ARHGAP15: variants seen among roughly 807,000 people sequenced by gnomAD.
ARHGAP15 encodes the protein Rho GTPase activating protein 15, also known as rho GTPase-activating protein 15.
A neutral mutation model predicts 63.7 loss-of-function variants in ARHGAP15; 51 were observed. The observed-to-expected ratio is 0.80, with a 90% CI of 0.64 to 1.01. The LOEUF is 1.01. Among genes scored for constraint, ARHGAP15 ranks in the 50% least tolerant of loss-of-function variants. The pLI is 0.00. For synonymous variants in ARHGAP15, 191 were observed against 193.8 expected (o/e 0.99, Z 0.12); for missense variants, 560 against 564.6 (o/e 0.99, Z 0.08).
chr2:143,511,125 T>A (rs576854830), intron 9 of ARHGAP15, among the ~76,000 whole-genome samples: 1 of 152,340 alleles, frequency 6.6e-6, no homozygotes, highest in South Asian at 2.1e-4. Context: ...AACCTGGTTA[T>A]GCTGATGAAC....
intron 5 of ARHGAP15, among the ~76,000 whole-genome samples, chr2:143,238,929 A>G (rs1245724438): frequency 6.6e-6 from 1 of 152,160 alleles, no homozygotes; most frequent in East Asian, 1.9e-4. Context: ...ATCCTTAGCA[A>G]ACTAACACAG....
At chr2:143,645,620 TTTCA>T (rs1195647255) in intron 12 of ARHGAP15, among the ~76,000 whole-genome samples, 1 of 152,024 alleles carries the variant, frequency 6.6e-6, no homozygotes, top group Non-Finnish European at 1.5e-5. Context: ...GTCTTTTATT[TTTCA>T]TTATCAAATA....
At chr2:143,762,308 A>T (rs1360563226) in intron 13 of ARHGAP15, among the ~76,000 whole-genome samples, 1 of 152,130 alleles carries the variant, frequency 6.6e-6, no homozygotes, top group African/African-American at 2.4e-5. Flanking sequence ...TACCTTTCTC[A>T]TTCAGATTAG....
chr2:143,277,642 C>T (rs1429662351), intron 6 of ARHGAP15, among the ~76,000 whole-genome samples: 1 of 151,946 alleles, frequency 6.6e-6, no homozygotes, highest in Non-Finnish European at 1.5e-5. Context: ...CTACATGGTG[C>T]AATGGGGTCA....
At chr2:143,377,971 T>C (rs1686890567) in intron 6 of ARHGAP15, among the ~76,000 whole-genome samples, 1 of 152,070 alleles carries the variant, frequency 6.6e-6, no homozygotes. Context: ...TAATAATTAA[T>C]TTAATACACT....
At position 143,605,858 on chromosome 2, in the gene ARHGAP15, C is replaced by CAAAAAAAAAA. The variant is rs373847590; in HGVS notation, c.1004-18256_1004-18247dup. On this transcript the variant is annotated intron_variant, in intron 11 of 13. Coordinates refer to ENST00000295095, the MANE Select transcript of ARHGAP15 (RefSeq NM_018460.4). ...GTGAAACCCTGTCTCTACTAAAATA[C>CAAAAAAAAAA]AAAAAAAAAAAAAAAAAAAAAAAAA... Among the ~76,000 whole-genome samples the CAAAAAAAAAA allele has an allele frequency of 1.2e-3, 104 of 85,302 alleles. 5 individuals carry two copies. Among genetic ancestry groups the CAAAAAAAAAA allele is most frequent in the East Asian group, 2.1e-3 (6 of 2,874 alleles). 56.0% of individuals were successfully genotyped at this position (85,302 alleles called of 152,430 possible). A position where few individuals can be genotyped will look rare whatever the true frequency, so the allele number is the denominator to read the frequency against.
chr2:143,165,986 GA>G lies in ARHGAP15; in HGVS notation c.165+10334del, dbSNP rs879901058. ...AGAAAGAAAGAAAGAAAGAAAGAAA[GA>G]AAGAAAGAAAGAAAGAAGGAAGGAA... On this transcript the variant is annotated intron_variant, in intron 2 of 13. Transcript: ENST00000295095. Among the ~76,000 whole-genome samples, 460 of 121,186 alleles carry G rather than the reference GA, an allele frequency of 3.8e-3. 10 individuals are homozygous for G. The highest frequency in any genetic ancestry group is 0.037 in the East Asian group (163 of 4,386). The allele number at this position is 121,186 out of a possible 152,430, so 79.5% of individuals were successfully genotyped here. A position where few individuals can be genotyped will look rare whatever the true frequency, so the allele number is the denominator to read the frequency against.
intron 6 of ARHGAP15, among the ~76,000 whole-genome samples, chr2:143,271,903 T>G (rs1052372170): frequency 1.3e-5 from 2 of 152,260 alleles, no homozygotes; most frequent in African/African-American, 2.4e-5. Flanking sequence ...GGAGATGGAT[T>G]TATTTCAAGA....
intron 5 of ARHGAP15, among the ~76,000 whole-genome samples, chr2:143,232,184 T>C (rs1228043634): frequency 2.0e-5 from 3 of 152,230 alleles, no homozygotes; most frequent in African/African-American, 7.2e-5. Context: ...GTTCTTGTTT[T>C]ATGAAAAGGA....
chr2:143,337,503 T>C (rs1292264223), intron 6 of ARHGAP15, among the ~76,000 whole-genome samples: 2 of 152,148 alleles, frequency 1.3e-5, no homozygotes, highest in African/African-American at 4.8e-5. Flanking sequence ...CTGCATTACA[T>C]TCAGGAAAGA....
At chr2:143,706,721 G>T (rs1684344984) in intron 13 of ARHGAP15, 1 of 152,246 alleles carries the variant, frequency 6.6e-6, no homozygotes, top group East Asian at 1.9e-4. Flanking sequence ...CAAACTCAGG[G>T]TCAAGTTCTA....
intron 11 of ARHGAP15, among the ~76,000 whole-genome samples, chr2:143,590,994 G>A (rs989474003): frequency 3.1e-4 from 47 of 152,104 alleles, no homozygotes; most frequent in African/African-American, 1.1e-3. Context: ...AGCCTCATTT[G>A]AGAAACACAG....
intron 8 of ARHGAP15, among the ~76,000 whole-genome samples, chr2:143,444,320 C>T (rs777918238): frequency 1.7e-4 from 26 of 152,108 alleles, no homozygotes; most frequent in Non-Finnish European, 3.1e-4. Flanking sequence ...TCTTTGGTAT[C>T]CTCAGAAAGT....
At chr2:143,316,920 T>G (rs1455718442) in intron 6 of ARHGAP15, among the ~76,000 whole-genome samples, 1 of 152,190 alleles carries the variant, frequency 6.6e-6, no homozygotes, top group Non-Finnish European at 1.5e-5. Context: ...AGGCTTATTG[T>G]TCCCATTCAA....
intron 6 of ARHGAP15, among the ~76,000 whole-genome samples, chr2:143,277,596 C>T (rs1681623134): frequency 6.6e-6 from 1 of 151,840 alleles, no homozygotes. Context: ...CTAAATGCAC[C>T]TATTTATAGA....
chr2:143,464,406 A>C (rs1257686050), intron 8 of ARHGAP15, among the ~76,000 whole-genome samples: 1 of 152,144 alleles, frequency 6.6e-6, no homozygotes, highest in Non-Finnish European at 1.5e-5. Flanking sequence ...GGAGAAACAG[A>C]ACAAATTACA....
chr2:143,742,478 G>A (rs1198475617), intron 13 of ARHGAP15, among the ~76,000 whole-genome samples: 4 of 152,178 alleles, frequency 2.6e-5, no homozygotes, highest in African/African-American at 9.7e-5. Context: ...CAAAACACTG[G>A]AAAACCAACA....
intron 11 of ARHGAP15, among the ~76,000 whole-genome samples, chr2:143,606,455 A>G (rs1341438165): frequency 6.6e-6 from 1 of 152,226 alleles, no homozygotes; most frequent in Non-Finnish European, 1.5e-5. Flanking sequence ...TATATTTATT[A>G]GCTTGCTAAA....
At chr2:143,213,686 C>G (rs887096224) in intron 3 of ARHGAP15, among the ~76,000 whole-genome samples, 1 of 152,102 alleles carries the variant, frequency 6.6e-6, no homozygotes. Context: ...ATAGCAGAAG[C>G]GTTATTAGCT....
Sources: allele counts gnomAD v4.1 joint callset (sites outside exome capture counted in the v4.1 genomes callset), GRCh38; gene constraint gnomAD v4.1.1; transcripts MANE v1.5; gene names NCBI Gene and HGNC (gene_info 2026-07-23, HGNC 2026-07-21).